Variants in CDC14A observed in about 807,000 individuals in gnomAD.
CDC14A encodes cell division cycle 14A, also known as dual specificity protein phosphatase CDC14A.
In CDC14A, 53 loss-of-function variants were observed where a neutral mutation model predicts 74.4. That is an observed-to-expected ratio of 0.71 (90% CI 0.57 to 0.89). CDC14A has a LOEUF of 0.89. Ranked by LOEUF, CDC14A falls within the 40% of genes least tolerant of loss-of-function variation. CDC14A has a pLI of 0.00. For missense variants in CDC14A, 646 were observed against 713.7 expected, an observed-to-expected ratio of 0.91 and a Z score of 1.08; for synonymous variants, 247 against 258.4, an observed-to-expected ratio of 0.96 and a Z score of 0.43.
At chr1:100,494,769 A>G (rs2101419550) in intron 11 of CDC14A, 49 bp from the exon 12 acceptor site, 1 of 1,009,436 alleles carries the variant, frequency 9.9e-7, no homozygotes, top group Non-Finnish European at 1.6e-6. Flanking sequence ...TAAGAAACCT[A>G]TATAAAGCCA....
At chr1:100,432,161 G>A (rs765531591) in intron 5 of CDC14A, among the ~76,000 whole-genome samples, 1 of 152,198 alleles carries the variant, frequency 6.6e-6, no homozygotes, top group Non-Finnish European at 1.5e-5. Flanking sequence ...CCTGAGGCAT[G>A]TGGTTTTGCT....
At chr1:100,467,916 C>T (rs1205418345) in intron 9 of CDC14A, 40 bp from the exon 10 acceptor site, 7 of 1,533,448 alleles carry the variant, frequency 4.6e-6, no homozygotes, top group Non-Finnish European at 6.1e-6. Context: ...GTAGCATTTG[C>T]TAGACTTTAT....
chr1:100,482,096 C>T (rs1044996205), intron 10 of CDC14A, among the ~76,000 whole-genome samples: 2 of 152,174 alleles, frequency 1.3e-5, no homozygotes, highest in African/African-American at 2.4e-5. Flanking sequence ...GGACAGATTG[C>T]GTCTTTCAAA....
intron 7 of CDC14A, among the ~76,000 whole-genome samples, chr1:100,451,757 G>C (rs550648876): frequency 6.6e-6 from 1 of 152,078 alleles, no homozygotes; most frequent in Admixed American, 6.5e-5. Context: ...TGGATAAAAC[G>C]AAGATGAAAA....
chr1:100,473,049 T>C (rs530795341), intron 10 of CDC14A, among the ~76,000 whole-genome samples: 4 of 152,036 alleles, frequency 2.6e-5, no homozygotes, highest in African/African-American at 4.8e-5. Context: ...AATTCCACTT[T>C]CTTTTCCTTT....
intron 14 of CDC14A, among the ~76,000 whole-genome samples, chr1:100,498,593 C>T (rs917409902): frequency 6.6e-6 from 1 of 152,168 alleles, no homozygotes; most frequent in African/African-American, 2.4e-5. Context: ...GCTTTTAATG[C>T]TCCCCTTACA....
At position 100,391,020 on chromosome 1, in the gene CDC14A, T is replaced by G. The variant is rs954576059; in HGVS notation, c.309+196T>G. On this transcript the variant is annotated intron_variant, in intron 4 of 15. Transcript: ENST00000336454. ...CTCTTTAGATTTTATTTTCTACTAG[T>G]TAATGAGAGAATCTTGAAACTGCAA... 198 of 619,174 alleles carry G rather than the reference T, an allele frequency of 3.2e-4. 1 individual carries two copies. In the African/African-American group the frequency reaches 3.5e-3, roughly 11 times the overall value. 38.4% of individuals were successfully genotyped at this position (619,174 alleles called of 1,614,324 possible).
At chr1:100,491,984 G>A (rs547321913) in intron 11 of CDC14A, among the ~76,000 whole-genome samples, 6 of 151,736 alleles carry the variant, frequency 4.0e-5, no homozygotes, top group South Asian at 4.2e-4. Flanking sequence ...CAGACAATGC[G>A]GTGGCTCCTG....
chr1:100,465,066 C>A (rs1300196895), intron 9 of CDC14A, among the ~76,000 whole-genome samples: 1 of 151,944 alleles, frequency 6.6e-6, no homozygotes, highest in East Asian at 1.9e-4. Context: ...TCTGGAATTA[C>A]AGGTGCCCAC....
chr1:100,357,921 T>A (rs1050957496), intron 2 of CDC14A, among the ~76,000 whole-genome samples: 1 of 152,226 alleles, frequency 6.6e-6, no homozygotes, highest in Non-Finnish European at 1.5e-5. Flanking sequence ...CATTCCATGA[T>A]TGAAATGTCA....
At chr1:100,440,579 T>C (rs752297761) in intron 6 of CDC14A, among the ~76,000 whole-genome samples, 7 of 152,202 alleles carry the variant, frequency 4.6e-5, no homozygotes, top group Non-Finnish European at 8.8e-5. Flanking sequence ...TGAGAAGTTA[T>C]ATAAGCTATA....
chr1:100,372,538 C>T (rs181861905), intron 2 of CDC14A, among the ~76,000 whole-genome samples: 35 of 152,302 alleles, frequency 2.3e-4, no homozygotes, highest in African/African-American at 8.4e-4. Flanking sequence ...TTTCTTTGCT[C>T]ATTCATGAGC....
At chr1:100,419,012 C>T (rs1183086387) in intron 4 of CDC14A, among the ~76,000 whole-genome samples, 2 of 152,086 alleles carry the variant, frequency 1.3e-5, no homozygotes, top group African/African-American at 4.8e-5. Flanking sequence ...TGGTGAAGGC[C>T]TGTCTCTACG....
chr1:100,503,321 T>C (rs1038464684), intron 15 of CDC14A, among the ~76,000 whole-genome samples: 1 of 152,212 alleles, frequency 6.6e-6, no homozygotes, highest in African/African-American at 2.4e-5. Context: ...TAAAAATGTT[T>C]TAAAATTCTT....
intron 9 of CDC14A, among the ~76,000 whole-genome samples, chr1:100,464,153 G>A (rs548152886): frequency 7.4e-4 from 113 of 152,344 alleles, no homozygotes; most frequent in South Asian, 1.0e-3. Flanking sequence ...GGAAGCTGCG[G>A]TTTCCCAGAG....
intron 5 of CDC14A, among the ~76,000 whole-genome samples, chr1:100,437,777 T>C (rs1664505163): frequency 6.6e-6 from 1 of 152,186 alleles, no homozygotes; most frequent in African/African-American, 2.4e-5. Context: ...GAACTTTTTC[T>C]GGTAGCTTAC....
At chr1:100,493,328 G>A (rs1050694934) in intron 11 of CDC14A, among the ~76,000 whole-genome samples, 2 of 152,152 alleles carry the variant, frequency 1.3e-5, no homozygotes, top group African/African-American at 2.4e-5. Flanking sequence ...TCATATTCAG[G>A]AAACTCTGGC....
At chr1:100,456,541 G>A (rs1364715416) in intron 8 of CDC14A, among the ~76,000 whole-genome samples, 1 of 150,990 alleles carries the variant, frequency 6.6e-6, no homozygotes, top group East Asian at 1.9e-4. Context: ...ATGGTGGCAT[G>A]TGCCTGCAAT....
At chr1:100,491,490 C>T (rs1235306933) in intron 11 of CDC14A, among the ~76,000 whole-genome samples, 1 of 132,352 alleles carries the variant, frequency 7.6e-6, no homozygotes, top group African/African-American at 2.7e-5. Flanking sequence ...TATTTAAATA[C>T]ATAAAAATAT....
Sources: gnomAD v4.1 joint callset for allele counts (sites outside exome capture counted in the v4.1 genomes callset) on GRCh38, gnomAD v4.1.1 for gene constraint, MANE v1.5 for transcripts, NCBI Gene and HGNC (gene_info 2026-07-23, HGNC 2026-07-21) for gene names.